The following ELP3 variants were observed in gnomAD, a reference collection of about 807,000 sequenced individuals.
The protein encoded by ELP3 is elongator complex protein 3.
In ELP3, 56 loss-of-function variants were observed where a neutral mutation model predicts 74.9. The ratio of observed to expected loss-of-function variants is 0.75; its 90% CI spans 0.60 to 0.93. The LOEUF is 0.93. Among genes scored for constraint, ELP3 ranks in the 40% least tolerant of loss-of-function variants. ELP3 has a pLI of 0.00. For synonymous variants in ELP3, 222 were observed against 239.8 expected, an observed-to-expected ratio of 0.93 and a Z score of 0.68; for missense variants, 573 against 686.5, an observed-to-expected ratio of 0.83 and a Z score of 1.85.
chr8:28,113,225 T>C (rs1475211985), intron 7 of ELP3, 52 bp downstream of exon 7: 3 of 1,512,290 alleles, frequency 2.0e-6, no homozygotes, highest in Non-Finnish European at 2.7e-6. Context: ...CAGTTTATGC[T>C]CCTAGCAGTA....
At chr8:28,110,944 TG>T (rs1237141155) in intron 6 of ELP3, 1 of 158,176 alleles carries the variant, frequency 6.3e-6, no homozygotes, top group East Asian at 1.9e-4. Flanking sequence ...CATGGCATTG[TG>T]GTGTGCACCT....
At chr8:28,161,973 A>T in intron 13 of ELP3, 24 bp from the exon 14 acceptor site, 2 of 1,611,578 alleles carry the variant, frequency 1.2e-6, no homozygotes. Flanking sequence ...TTTAATTCCC[A>T]CTCCCCATTG....
At chr8:28,142,336 GA>G (rs1813275295) in intron 10 of ELP3, among the ~76,000 whole-genome samples, 1 of 152,180 alleles carries the variant, frequency 6.6e-6, no homozygotes, top group Non-Finnish European at 1.5e-5. Flanking sequence ...ATCCTATGGA[GA>G]ATTGGCCCAT....
intron 14 of ELP3, among the ~76,000 whole-genome samples, chr8:28,188,444 G>C (rs1815327981): frequency 6.6e-6 from 1 of 152,064 alleles, no homozygotes; most frequent in South Asian, 2.1e-4. Context: ...ATGAGGAGAG[G>C]GTTGAACCTT....
chr8:28,114,013 A>G (rs1036819523), intron 7 of ELP3, among the ~76,000 whole-genome samples: 2 of 152,150 alleles, frequency 1.3e-5, no homozygotes, highest in Non-Finnish European at 2.9e-5. Context: ...CAAGAAGAAT[A>G]CTACAGGTTA....
chr8:28,093,090 G>GCTT, upstream of ELP3: 2 of 1,496,824 alleles, frequency 1.3e-6, no homozygotes. Flanking sequence ...TCCGGGAAGA[G>GCTT]CTTTACGATA....
intron 3 of ELP3, among the ~76,000 whole-genome samples, chr8:28,101,813 C>T (rs1460077327): frequency 2.0e-5 from 3 of 152,162 alleles, no homozygotes; most frequent in Non-Finnish European, 4.4e-5. Context: ...TGGTCTCGAA[C>T]TCTTGACCTG....
intron 6 of ELP3, among the ~76,000 whole-genome samples, chr8:28,112,033 G>A (rs996565030): frequency 6.6e-6 from 1 of 152,080 alleles, no homozygotes; most frequent in Non-Finnish European, 1.5e-5. Flanking sequence ...TCAGAAATTA[G>A]TGTTAATTTC....
chr8:28,142,001 G>T (rs988539846), intron 10 of ELP3, among the ~76,000 whole-genome samples: 2 of 152,188 alleles, frequency 1.3e-5, no homozygotes, highest in African/African-American at 4.8e-5. Context: ...ATTTCTTTCT[G>T]CTGTAACCAG....
At chr8:28,140,689 C>T (rs1221812721) in intron 10 of ELP3, among the ~76,000 whole-genome samples, 5 of 152,160 alleles carry the variant, frequency 3.3e-5, no homozygotes, top group African/African-American at 1.2e-4. Context: ...CTGTTTCATG[C>T]CATGTTTTTC....
intron 3 of ELP3, among the ~76,000 whole-genome samples, chr8:28,101,241 C>T (rs1208328073): frequency 6.6e-6 from 1 of 151,632 alleles, no homozygotes; most frequent in East Asian, 1.9e-4. Context: ...GACGAAAGCC[C>T]ATCTCTACTA....
chr8:28,093,012 C>G, upstream of ELP3: 1 of 776,414 alleles, frequency 1.3e-6, no homozygotes, highest in Non-Finnish European at 2.2e-6. Context: ...AGCCTAGGGG[C>G]CTCACGGGCC....
intron 5 of ELP3, 99 bp from the exon 6 acceptor site, chr8:28,110,271 T>C: frequency 9.7e-7 from 1 of 1,025,750 alleles, no homozygotes; most frequent in Admixed American, 2.3e-5. Context: ...ACGTTTTCAG[T>C]GTTCGGAACC....
Position 28,189,720 on chromosome 8 carries a change from AAAT to A in ELP3, c.1643_*1del. The A allele has an allele frequency of 6.2e-7, 1 of 1,614,050 alleles. No individual in the cohort carries two copies. Among genetic ancestry groups the A allele is most frequent in the Non-Finnish European group, 8.5e-7 (1 of 1,179,882 alleles). On this transcript the variant is annotated stop_lost and inframe_deletion, in exon 15 of 15. Coordinates refer to ENST00000256398, the MANE Select transcript of ELP3 (RefSeq NM_018091.6). ...AGGCCCGTACATGGTGAAGATGCTG[AAAT>A]AATGGCCACACCAGTCCACTCTTCT...
At chr8:28,188,184 G>A (rs930055846) in intron 14 of ELP3, among the ~76,000 whole-genome samples, 6 of 152,204 alleles carry the variant, frequency 3.9e-5, no homozygotes, top group African/African-American at 1.4e-4. Flanking sequence ...AGACAGCCGG[G>A]CTGTTTGAGG....
intron 9 of ELP3, among the ~76,000 whole-genome samples, chr8:28,133,919 A>G (rs920790859): frequency 6.6e-6 from 1 of 152,132 alleles, no homozygotes; most frequent in East Asian, 1.9e-4. Flanking sequence ...CACCAGGCCA[A>G]AAAGGCACCT....
At chr8:28,094,640 G>T (rs1458388539) in intron 1 of ELP3, among the ~76,000 whole-genome samples, 1 of 152,078 alleles carries the variant, frequency 6.6e-6, no homozygotes, top group Non-Finnish European at 1.5e-5. Flanking sequence ...TGAGGCTGAG[G>T]CAGAGGCGGG....
chr8:28,098,161 T>C (rs1340753550), intron 2 of ELP3, among the ~76,000 whole-genome samples: 1 of 152,042 alleles, frequency 6.6e-6, no homozygotes, highest in Non-Finnish European at 1.5e-5. Context: ...GCTTGGACTT[T>C]CCTACAGTCT....
intron 3 of ELP3, among the ~76,000 whole-genome samples, chr8:28,100,202 T>C (rs1019369652): frequency 2.0e-5 from 3 of 152,208 alleles, no homozygotes; most frequent in Non-Finnish European, 2.9e-5. Context: ...TTTAAAAATA[T>C]AGATTTAGGC....
Sources: gnomAD v4.1 joint callset for allele counts (sites outside exome capture counted in the v4.1 genomes callset) on GRCh38, gnomAD v4.1.1 for gene constraint, MANE v1.5 for transcripts, NCBI Gene and HGNC (gene_info 2026-07-23, HGNC 2026-07-21) for gene names.